PARD3B: variants seen among roughly 807,000 people sequenced by gnomAD.
PARD3B encodes the protein partitioning defective 3 homolog B.
Under a neutral mutation model 130.2 loss-of-function variants are expected in PARD3B, and 103 were observed. That is an observed-to-expected ratio of 0.79 (90% CI 0.67 to 0.93). The LOEUF is 0.93. Among genes scored for constraint, PARD3B ranks in the 40% least tolerant of loss-of-function variants. The pLI is 0.00. For missense variants in PARD3B, 1,609 were observed against 1,499.2 expected (o/e 1.07, Z -1.21); for synonymous variants, 583 against 553.2 (o/e 1.05, Z -0.76).
At position 205,127,330 on chromosome 2, in the gene PARD3B, A is replaced by AATTCAG. The variant is rs1283302119; in HGVS notation, c.1434+1595_1434+1600dup. 3.9e-5 allele frequency among the ~76,000 whole-genome samples: 6 copies of AATTCAG among 152,058 alleles called. No homozygotes were observed. In the East Asian group the frequency reaches 1.2e-3, roughly 29 times the overall value. ...AAAAAAAAAAGGAAAAAGAAAAGAA[A>AATTCAG]ATTCAGAAGGGATTTTGTAGCTAAT... On this transcript the variant is annotated intron_variant, in intron 10 of 22. Coordinates refer to ENST00000406610, the MANE Select transcript of PARD3B (RefSeq NM_001302769.2).
intron 2 of PARD3B, among the ~76,000 whole-genome samples, chr2:204,835,645 A>T (rs939498110): frequency 1.1e-4 from 16 of 152,312 alleles, no homozygotes; most frequent in Non-Finnish European, 1.9e-4. Flanking sequence ...ATGGTCCCCA[A>T]CTTAAAATGG....
At chr2:204,951,774 G>C (rs1338427702) in intron 2 of PARD3B, among the ~76,000 whole-genome samples, 1 of 152,238 alleles carries the variant, frequency 6.6e-6, no homozygotes, top group African/African-American at 2.4e-5. Context: ...AAAGCAAGCA[G>C]TCATCAGGGT....
chr2:204,668,806 T>C (rs2125200628), intron 1 of PARD3B, among the ~76,000 whole-genome samples: 1 of 152,316 alleles, frequency 6.6e-6, no homozygotes, highest in African/African-American at 2.4e-5. Context: ...AGGTAACATA[T>C]GAAATTAAGA....
intron 4 of PARD3B, among the ~76,000 whole-genome samples, chr2:205,093,049 G>T (rs941344837): frequency 1.3e-5 from 2 of 151,994 alleles, no homozygotes; most frequent in Non-Finnish European, 2.9e-5. Context: ...AAATTCTCTT[G>T]CCAGAGATGC....
At chr2:205,132,342 A>T (rs759127975) in intron 10 of PARD3B, among the ~76,000 whole-genome samples, 33 of 152,046 alleles carry the variant, frequency 2.2e-4, no homozygotes, top group Non-Finnish European at 3.8e-4. Context: ...GGAGAAAACA[A>T]TTTTTATTAT....
chr2:204,958,430 T>C (rs1690458781), intron 2 of PARD3B, among the ~76,000 whole-genome samples: 1 of 152,196 alleles, frequency 6.6e-6, no homozygotes, highest in South Asian at 2.1e-4. Context: ...AGAAGAGTGA[T>C]AGAGTACTGT....
chr2:205,487,754 T>C (rs1047699547), intron 20 of PARD3B, among the ~76,000 whole-genome samples: 5 of 152,218 alleles, frequency 3.3e-5, no homozygotes, highest in Admixed American at 6.5e-5. Context: ...GAATTGACCC[T>C]GAAAGTTTAA....
At chr2:205,307,619 C>T (rs1234912666) in intron 18 of PARD3B, among the ~76,000 whole-genome samples, 1 of 152,156 alleles carries the variant, frequency 6.6e-6, no homozygotes, top group Non-Finnish European at 1.5e-5. Flanking sequence ...CCTAGGCCAC[C>T]TTCCTGGGGC....
intron 2 of PARD3B, among the ~76,000 whole-genome samples, chr2:204,886,128 G>C (rs2046263583): frequency 6.6e-6 from 1 of 152,156 alleles, no homozygotes; most frequent in African/African-American, 2.4e-5. Context: ...AACCCACAAA[G>C]CATTTTTCAA....
chr2:205,436,438 A>T (rs2106146628), intron 19 of PARD3B, among the ~76,000 whole-genome samples: 1 of 152,216 alleles, frequency 6.6e-6, no homozygotes, highest in Admixed American at 6.6e-5. Flanking sequence ...GGCCAGCATG[A>T]GTTTGCCTGC....
rs1268592359 is a variant in PARD3B at position 205,183,017 on chromosome 2, G to A, written c.1925-2747G>A. Among the ~76,000 whole-genome samples the A allele has an allele frequency of 6.6e-6, 1 of 152,202 alleles. No individual in the cohort carries two copies. The highest frequency in any genetic ancestry group is 1.5e-5 in the Non-Finnish European group (1 of 68,040). On this transcript the variant is annotated intron_variant, in intron 13 of 22. Transcript: ENST00000406610. This position sits in a 1 kb window ranked among gnomAD's most constrained non-coding sequence, Gnocchi z 5.2. Reference sequence around the variant, plus strand: ...CCGTATGCCCAGGAAGAGAGGAAGAGCACGGATAGAGTGGGCACTGGTCTT... The same window carrying A: ...CCGTATGCCCAGGAAGAGAGGAAGAACACGGATAGAGTGGGCACTGGTCTT...
At chr2:205,249,608 G>A (rs2039749661) in intron 16 of PARD3B, among the ~76,000 whole-genome samples, 1 of 151,954 alleles carries the variant, frequency 6.6e-6, no homozygotes, top group Non-Finnish European at 1.5e-5. Context: ...ACCCCTTCTG[G>A]AATTAGTCCA....
chr2:205,175,461 T>A (rs1445142717), intron 12 of PARD3B, among the ~76,000 whole-genome samples: 1 of 152,178 alleles, frequency 6.6e-6, no homozygotes, highest in Non-Finnish European at 1.5e-5. Context: ...AAATGGAATG[T>A]TTTAGATATT....
chr2:205,064,244 G>A (rs566331157), intron 4 of PARD3B, among the ~76,000 whole-genome samples: 46 of 152,266 alleles, frequency 3.0e-4, no homozygotes, highest in Middle Eastern at 3.4e-3. Context: ...TCATGAGAGT[G>A]TTGAACATCT....
chr2:205,552,287 A>G (rs2052680361), intron 21 of PARD3B, among the ~76,000 whole-genome samples: 1 of 135,898 alleles, frequency 7.4e-6, no homozygotes, highest in Non-Finnish European at 1.6e-5. Context: ...TTCGTAAGAG[A>G]GAGAACTGAG....
chr2:204,876,957 G>A (rs923333478), intron 2 of PARD3B, among the ~76,000 whole-genome samples: 21 of 152,074 alleles, frequency 1.4e-4, no homozygotes, highest in African/African-American at 4.6e-4. Flanking sequence ...AACCAAATGT[G>A]GATTGAAAAT....
chr2:204,880,514 G>T (rs1009578228), intron 2 of PARD3B, among the ~76,000 whole-genome samples: 5 of 151,930 alleles, frequency 3.3e-5, no homozygotes, highest in Non-Finnish European at 5.9e-5. Context: ...CAAAGAATTA[G>T]CCAGGCATGG....
At chr2:205,554,240 G>A (rs532714182) in intron 22 of PARD3B, among the ~76,000 whole-genome samples, 54 of 127,326 alleles carry the variant, frequency 4.2e-4, no homozygotes, top group African/African-American at 1.6e-3. Context: ...GTGGGGGAAA[G>A]ACCCCAAGCA....
chr2:204,983,006 T>G (rs1177540980), intron 3 of PARD3B, among the ~76,000 whole-genome samples: 1 of 152,168 alleles, frequency 6.6e-6, no homozygotes, highest in Admixed American at 6.5e-5. Flanking sequence ...ATTGGAGTGC[T>G]TTTTGTCTTG....
Sources: allele counts gnomAD v4.1 joint callset (sites outside exome capture counted in the v4.1 genomes callset), GRCh38; gene constraint gnomAD v4.1.1; non-coding constraint Gnocchi (gnomAD v3.1); transcripts MANE v1.5; gene names NCBI Gene and HGNC (gene_info 2026-07-23, HGNC 2026-07-21).